The following EEPD1 variants were observed in gnomAD, a reference collection of about 807,000 sequenced individuals.
The protein encoded by EEPD1 is endonuclease/exonuclease/phosphatase family domain-containing protein 1.
Under a neutral mutation model 46.3 loss-of-function variants are expected in EEPD1, and 17 were observed. That is an observed-to-expected ratio of 0.37 (90% confidence interval 0.25 to 0.55). The LOEUF is 0.55. EEPD1 is among the 20% of genes least tolerant of loss of function. The pLI, the probability that EEPD1 is intolerant of heterozygous loss-of-function variation, is 0.83. For synonymous variants in EEPD1, 313 were observed against 315.6 expected (o/e 0.99, Z 0.09); for missense variants, 673 against 745.6 (o/e 0.90, Z 1.13).
At chr7:36,239,957 A>G (rs779862889) in intron 3 of EEPD1, among the ~76,000 whole-genome samples, 3 of 152,236 alleles carry the variant, frequency 2.0e-5, no homozygotes, top group Non-Finnish European at 1.5e-5. Context: ...CACTTGAACT[A>G]TATTCGTTTA....
intron 2 of EEPD1, among the ~76,000 whole-genome samples, chr7:36,156,270 A>G (rs1182225459): frequency 3.9e-5 from 6 of 152,144 alleles, no homozygotes; most frequent in African/African-American, 1.4e-4. Flanking sequence ...TAGTGAGGAG[A>G]AAAGCAGGTC....
At chr7:36,232,571 CATA>C (rs1187592875) in intron 2 of EEPD1, among the ~76,000 whole-genome samples, 1 of 150,982 alleles carries the variant, frequency 6.6e-6, no homozygotes, top group Admixed American at 6.6e-5. Context: ...ACTCCTAATG[CATA>C]ATACTATTTG....
intron 2 of EEPD1, among the ~76,000 whole-genome samples, chr7:36,191,727 A>C (rs1312989524): frequency 6.6e-6 from 1 of 152,224 alleles, no homozygotes; most frequent in African/African-American, 2.4e-5. Context: ...AATCTTCAGC[A>C]CTTTGGACTA....
chr7:36,238,005 A>G (rs898279689), intron 2 of EEPD1, among the ~76,000 whole-genome samples: 1 of 152,164 alleles, frequency 6.6e-6, no homozygotes, highest in African/African-American at 2.4e-5. Context: ...TATATGCTAA[A>G]TAAGGGGTCG....
At chr7:36,263,757 C>T (rs1786968402) in intron 3 of EEPD1, among the ~76,000 whole-genome samples, 1 of 152,198 alleles carries the variant, frequency 6.6e-6, no homozygotes, top group African/African-American at 2.4e-5. Flanking sequence ...TAGCTCACCT[C>T]TAGCAGGTAA....
At position 36,300,300 on chromosome 7, in the gene EEPD1, CG is replaced by C. The variant is rs1787599925; in HGVS notation, c.*1095del. 1 of 152,200 alleles carries C rather than the reference CG, an allele frequency of 6.6e-6. No individual in the cohort carries two copies. The highest frequency in any genetic ancestry group is 6.5e-5 in the Admixed American group (1 of 15,276). 9.4% of individuals were successfully genotyped at this position (152,200 alleles called of 1,614,324 possible). A position where few individuals can be genotyped will look rare whatever the true frequency, so the allele number is the denominator to read the frequency against. On this transcript the variant is annotated 3_prime_UTR_variant, in exon 8 of 8. Coordinates refer to ENST00000242108, the MANE Select transcript of EEPD1 (RefSeq NM_030636.3). ...GCCTGCCACTAGGCATCTGCATCCC[CG>C]AGCCCAAGCCAGGAGGGATTTCCCT...
intron 3 of EEPD1, among the ~76,000 whole-genome samples, chr7:36,273,629 G>C (rs1168888091): frequency 6.6e-6 from 1 of 152,134 alleles, no homozygotes; most frequent in Non-Finnish European, 1.5e-5. Flanking sequence ...TCCTCTCTCA[G>C]TTGTATGCTA....
At chr7:36,247,390 G>C (rs1306710200) in intron 3 of EEPD1, among the ~76,000 whole-genome samples, 1 of 152,186 alleles carries the variant, frequency 6.6e-6, no homozygotes, top group South Asian at 2.1e-4. Context: ...TGCTTTTGGA[G>C]TGTTATTCAC....
intron 7 of EEPD1, 57 bp from the exon 8 acceptor site, chr7:36,298,950 C>G: frequency 6.3e-7 from 1 of 1,583,150 alleles, no homozygotes; most frequent in Non-Finnish European, 8.6e-7. Flanking sequence ...AATCCAGGAC[C>G]TCCCGCACCC....
chr7:36,196,310 A>T (rs959283842), intron 2 of EEPD1, among the ~76,000 whole-genome samples: 5 of 151,450 alleles, frequency 3.3e-5, no homozygotes, highest in East Asian at 1.9e-4. Flanking sequence ...TTTTTTTTTT[A>T]AAGTAACTGC....
chr7:36,297,327 C>A, intron 7 of EEPD1, 140 bp downstream of exon 7: 1 of 986,034 alleles, frequency 1.0e-6, no homozygotes, highest in Non-Finnish European at 1.5e-6. Context: ...GTCATTTAAT[C>A]AGAGACAGAA....
intron 2 of EEPD1, among the ~76,000 whole-genome samples, chr7:36,170,763 A>G (rs1264737344): frequency 1.3e-5 from 2 of 152,124 alleles, no homozygotes; most frequent in African/African-American, 4.8e-5. Context: ...TTGCTTGGTC[A>G]TTCACCATAG....
At chr7:36,267,856 G>A (rs1408535617) in intron 3 of EEPD1, among the ~76,000 whole-genome samples, 1 of 152,084 alleles carries the variant, frequency 6.6e-6, no homozygotes, top group Non-Finnish European at 1.5e-5. Context: ...GTCATGAGGG[G>A]TACAGCCCTC....
chr7:36,158,487 G>A (rs1322025556), intron 2 of EEPD1, among the ~76,000 whole-genome samples: 1 of 152,208 alleles, frequency 6.6e-6, no homozygotes, highest in Non-Finnish European at 1.5e-5. Flanking sequence ...TGTATGGGAT[G>A]GGAGTTAGAG....
Position 36,297,108 on chromosome 7 carries a change from C to A in EEPD1, c.1431C>A (p.Asn477Lys), listed in dbSNP as rs1428209610. Residue 477 changes from asparagine (N) to lysine (K), a missense_variant, in exon 7 of 8, where the codon AAC becomes AAA. Physicochemically the swap from Asn to Lys is moderately conservative, Grantham distance 94. Coordinates refer to ENST00000242108, the MANE Select transcript of EEPD1 (RefSeq NM_030636.3). ...TGATCCCCGCGCACACCTTCACCAACATCAGCACCAAGAACCCTCAAGGCT... is the reference window on the plus strand; with the variant it reads ...TGATCCCCGCGCACACCTTCACCAAAATCAGCACCAAGAACCCTCAAGGCT... ...HHLIPAHTFT[N>K]ISTKNPQGSK... 1 of 1,614,120 alleles carries A rather than the reference C, an allele frequency of 6.2e-7. No homozygotes were observed. The highest frequency in any genetic ancestry group is 8.5e-7 in the Non-Finnish European group (1 of 1,180,062).
intron 3 of EEPD1, among the ~76,000 whole-genome samples, chr7:36,250,463 C>G (rs1470492570): frequency 2.0e-5 from 3 of 152,136 alleles, no homozygotes; most frequent in African/African-American, 7.2e-5. Context: ...TAGATCAGAA[C>G]AACCTATGGC....
chr7:36,228,620 C>T (rs1052573534), intron 2 of EEPD1: 4 of 152,146 alleles, frequency 2.6e-5, no homozygotes, highest in Admixed American at 2.0e-4. Flanking sequence ...GGGGCCAGGC[C>T]TGCCAGGATT....
At chr7:36,298,506 T>C (rs1787561958) in intron 7 of EEPD1, among the ~76,000 whole-genome samples, 1 of 152,246 alleles carries the variant, frequency 6.6e-6, no homozygotes, top group Non-Finnish European at 1.5e-5. Context: ...TCCTGCTTCA[T>C]AGATTTCTAA....
chr7:36,220,947 CCACCACCACA>C (rs1430678711), intron 2 of EEPD1, among the ~76,000 whole-genome samples: 1 of 152,022 alleles, frequency 6.6e-6, no homozygotes, highest in Non-Finnish European at 1.5e-5. Flanking sequence ...TTATAGGTGC[CCACCACCACA>C]CACCACCACA....
Sources: allele counts gnomAD v4.1 joint callset (sites outside exome capture counted in the v4.1 genomes callset), GRCh38; gene constraint gnomAD v4.1.1; transcripts MANE v1.5; gene names NCBI Gene and HGNC (gene_info 2026-07-23, HGNC 2026-07-21).